TRHDE: variants seen among roughly 807,000 people sequenced by gnomAD.
TRHDE encodes thyrotropin-releasing hormone-degrading ectoenzyme.
A neutral mutation model predicts 125.7 loss-of-function variants in TRHDE; 72 were observed. The ratio of observed to expected loss-of-function variants is 0.57; its 90% CI spans 0.47 to 0.70. TRHDE has a LOEUF of 0.70. Among genes scored for constraint, TRHDE ranks in the 30% least tolerant of loss-of-function variants. The pLI is 0.00. For missense variants in TRHDE, 1,110 were observed against 1,327.1 expected, an observed-to-expected ratio of 0.84 and a Z score of 2.54; for synonymous variants, 509 against 509.1, an observed-to-expected ratio of 1.00 and a Z score of 0.00.
chr12:72,570,798 G>A (rs966542571), intron 10 of TRHDE, among the ~76,000 whole-genome samples: 3 of 152,126 alleles, frequency 2.0e-5, no homozygotes, highest in African/African-American at 7.2e-5. Context: ...GTAGATAACT[G>A]TAGGAGGCGC....
At chr12:72,568,160 A>G (rs951459220) in intron 9 of TRHDE, among the ~76,000 whole-genome samples, 13 of 152,130 alleles carry the variant, frequency 8.5e-5, no homozygotes, top group African/African-American at 3.1e-4. Flanking sequence ...TAAGGAGAAT[A>G]TTAAAATGTA....
chr12:72,180,762 C>A (rs1243078741), intron 2 of TRHDE, among the ~76,000 whole-genome samples: 4 of 152,142 alleles, frequency 2.6e-5, no homozygotes, highest in Non-Finnish European at 4.4e-5. Flanking sequence ...ATGCAGACTT[C>A]TCCACTGTCT....
At chr12:72,270,797 A>T (rs1323572047), upstream of TRHDE, among the ~76,000 whole-genome samples, 1 of 152,208 alleles carries the variant, frequency 6.6e-6, no homozygotes, top group Non-Finnish European at 1.5e-5. Context: ...AAGGTTGGAT[A>T]TCCCACATAC....
At chr12:72,659,083 T>C (rs543579520) in intron 18 of TRHDE, among the ~76,000 whole-genome samples, 2 of 152,288 alleles carry the variant, frequency 1.3e-5, no homozygotes, top group South Asian at 4.1e-4. Flanking sequence ...TCCAAGGGTT[T>C]ATAGATCAAA....
In TRHDE at chr12:72,286,789, A is replaced by G; in HGVS notation, c.1023A>G (p.Ala341=). 1 of 1,613,692 alleles carries G rather than the reference A, an allele frequency of 6.2e-7. No homozygotes were observed. Among genetic ancestry groups the G allele is most frequent in the Non-Finnish European group, 8.5e-7 (1 of 1,179,946 alleles). ...ATFKISIKHQ[A]TYLSLSNMPV... Reference sequence around the variant, plus strand: ...TCAAAATCAGCATCAAGCATCAAGCAACCTATTTATCTTTATCTAATATGC... The same window carrying G: ...TCAAAATCAGCATCAAGCATCAAGCGACCTATTTATCTTTATCTAATATGC... The change falls in exon 2 of 19, where the codon GCA becomes GCG. Residue 341 remains alanine, a synonymous_variant. Coordinates refer to ENST00000261180, the MANE Select transcript of TRHDE (RefSeq NM_013381.3).
intron 2 of TRHDE, among the ~76,000 whole-genome samples, chr12:72,252,983 G>A (rs923965646): frequency 6.6e-6 from 1 of 152,186 alleles, no homozygotes; most frequent in East Asian, 1.9e-4. Context: ...CTCACATAAT[G>A]CCATTGGTAG....
chr12:72,392,288 G>C (rs1438405304), intron 3 of TRHDE, among the ~76,000 whole-genome samples: 2 of 152,180 alleles, frequency 1.3e-5, no homozygotes, highest in Non-Finnish European at 2.9e-5. Flanking sequence ...AAGAATGCCA[G>C]TGAGGACATG....
intron 2 of TRHDE, among the ~76,000 whole-genome samples, chr12:72,371,497 C>G (rs568334619): frequency 6.6e-6 from 1 of 151,414 alleles, no homozygotes; most frequent in Non-Finnish European, 1.5e-5. Context: ...CCCATTAACT[C>G]GTCATTTAGC....
At chr12:72,637,031 G>A (rs972306742) in intron 15 of TRHDE, among the ~76,000 whole-genome samples, 2 of 152,182 alleles carry the variant, frequency 1.3e-5, no homozygotes, top group African/African-American at 4.8e-5. Context: ...ATGAGTTAGG[G>A]AGGATTCCCT....
intron 12 of TRHDE, among the ~76,000 whole-genome samples, chr12:72,607,673 A>G (rs1229578458): frequency 6.6e-6 from 1 of 152,138 alleles, no homozygotes; most frequent in Non-Finnish European, 1.5e-5. Flanking sequence ...TCTATCAGAT[A>G]GGTTTCAAGT....
chr12:72,578,201 T>G (rs568033115), intron 12 of TRHDE, among the ~76,000 whole-genome samples: 39 of 152,288 alleles, frequency 2.6e-4, no homozygotes, highest in African/African-American at 9.4e-4. Context: ...ATGATCTCCA[T>G]CAGTCTTCTC....
chr12:72,514,743 C>A (rs973709977), intron 6 of TRHDE, among the ~76,000 whole-genome samples: 2 of 149,770 alleles, frequency 1.3e-5, no homozygotes, highest in East Asian at 2.0e-4. Context: ...CCCACTAAAT[C>A]GTCATCTAGC....
intron 2 of TRHDE, among the ~76,000 whole-genome samples, chr12:72,318,382 C>G (rs1347699834): frequency 6.6e-6 from 1 of 152,154 alleles, no homozygotes; most frequent in African/African-American, 2.4e-5. Flanking sequence ...TAAAAAGCAA[C>G]AGTCACTCAT....
chr12:72,345,071 G>A (rs12161817), intron 2 of TRHDE, among the ~76,000 whole-genome samples: 18,814 of 152,042 alleles, frequency 0.12, 1,746 homozygotes, highest in East Asian at 0.46. Flanking sequence ...AGTGAAACAA[G>A]CAAATAGAAC....
At chr12:72,598,878 C>T (rs796660054) in intron 12 of TRHDE, among the ~76,000 whole-genome samples, 2 of 151,606 alleles carry the variant, frequency 1.3e-5, no homozygotes, top group South Asian at 2.1e-4. Flanking sequence ...CCTTGCCCTT[C>T]GTCCCTCCCT....
At chr12:72,568,925 G>C (rs1047341605) in intron 10 of TRHDE, among the ~76,000 whole-genome samples, 1 of 152,032 alleles carries the variant, frequency 6.6e-6, no homozygotes, top group Non-Finnish European at 1.5e-5. Flanking sequence ...GTTTAAAATT[G>C]TATTTCTTTA....
chr12:72,218,983 A>G (rs1182980189), intron 2 of TRHDE, among the ~76,000 whole-genome samples: 1 of 152,166 alleles, frequency 6.6e-6, no homozygotes, highest in African/African-American at 2.4e-5. Context: ...GTCAAGTCCA[A>G]TCTAAATTTT....
chr12:72,518,280 A>C (rs968456328), intron 6 of TRHDE, among the ~76,000 whole-genome samples: 5 of 144,482 alleles, frequency 3.5e-5, no homozygotes, highest in African/African-American at 1.4e-4. Flanking sequence ...GTGGGAGTCT[A>C]AGTCTCTTTG....
At chr12:72,446,830 T>C (rs1466215178) in intron 3 of TRHDE, among the ~76,000 whole-genome samples, 12 of 152,070 alleles carry the variant, frequency 7.9e-5, no homozygotes, top group Non-Finnish European at 1.5e-5. Context: ...TAAATATATA[T>C]ATGCACCCAA....
Sources: gnomAD v4.1 joint callset for allele counts (sites outside exome capture counted in the v4.1 genomes callset) on GRCh38, gnomAD v4.1.1 for gene constraint, MANE v1.5 for transcripts, NCBI Gene and HGNC (gene_info 2026-07-23, HGNC 2026-07-21) for gene names.